Variants in TIMMDC1 observed in about 807,000 individuals in gnomAD.
TIMMDC1 encodes the protein translocase of inner mitochondrial membrane domain containing 1, also known as complex I assembly factor TIMMDC1, mitochondrial.
A neutral mutation model predicts 32.6 loss-of-function variants in TIMMDC1; 25 were observed. The ratio of observed to expected loss-of-function variants is 0.77; its 90% CI spans 0.56 to 1.07. The LOEUF (loss-of-function observed/expected upper bound fraction) is 1.07. TIMMDC1 is among the 50% of genes least tolerant of loss of function. The pLI is 0.00. For synonymous variants in TIMMDC1, 130 were observed against 127.6 expected (o/e 1.02, Z -0.13); for missense variants, 329 against 349.2 (o/e 0.94, Z 0.46).
At chr3:119,519,341 A>G (rs577821496) in intron 6 of TIMMDC1, among the ~76,000 whole-genome samples, 7 of 152,316 alleles carry the variant, frequency 4.6e-5, no homozygotes, top group African/African-American at 1.7e-4. Flanking sequence ...TAAAGACTCA[A>G]CTATATATAC....
At chr3:119,521,872 C>G (rs568945121) in intron 6 of TIMMDC1, among the ~76,000 whole-genome samples, 9 of 152,108 alleles carry the variant, frequency 5.9e-5, no homozygotes, top group African/African-American at 2.2e-4. Context: ...TGATATTTAT[C>G]CCAATTAGAA....
At chr3:119,499,055 C>A in intron 1 of TIMMDC1, 128 bp downstream of exon 1, 1 of 667,646 alleles carries the variant, frequency 1.5e-6, no homozygotes, top group Non-Finnish European at 2.5e-6. Context: ...ATTTGAGGTT[C>A]TGATATTTGT....
In TIMMDC1 at chr3:119,498,983, A is replaced by G. The variant is rs1478249032; in HGVS notation, c.194+56A>G. 3.2e-6 allele frequency: 5 copies of G among 1,543,838 alleles called. No individual in the cohort carries two copies. The Admixed American group carries it at 7.2e-5, about 22-fold the overall frequency. On this transcript the variant is annotated intron_variant, in intron 1 of 6. Coordinates refer to ENST00000494664, the MANE Select transcript of TIMMDC1 (RefSeq NM_016589.4). Reference sequence around the variant, plus strand: ...GGGGGCCGCGAAAGCGGTGTCCTGCAGCGTGGGCAGCCTGGGTCAGCCTTA... The same window carrying G: ...GGGGGCCGCGAAAGCGGTGTCCTGCGGCGTGGGCAGCCTGGGTCAGCCTTA...
At chr3:119,506,643 C>A (rs971287853) in intron 4 of TIMMDC1, among the ~76,000 whole-genome samples, 1 of 152,028 alleles carries the variant, frequency 6.6e-6, no homozygotes, top group Non-Finnish European at 1.5e-5. Flanking sequence ...TTTTTTCCCA[C>A]TGCTACTATC....
intron 4 of TIMMDC1, among the ~76,000 whole-genome samples, chr3:119,512,808 T>A (rs1310844332): frequency 6.6e-6 from 1 of 152,220 alleles, no homozygotes; most frequent in Admixed American, 6.5e-5. Context: ...GAGTGTGATA[T>A]CTGCTCACTG....
intron 4 of TIMMDC1, among the ~76,000 whole-genome samples, chr3:119,506,532 A>C (rs1442625396): frequency 2.0e-5 from 3 of 152,014 alleles, no homozygotes; most frequent in African/African-American, 4.8e-5. Context: ...AAAAAAAAAA[A>C]AACTAGAAAC....
At chr3:119,507,897 C>T (rs1254940853) in intron 4 of TIMMDC1, among the ~76,000 whole-genome samples, 2 of 152,150 alleles carry the variant, frequency 1.3e-5, no homozygotes, top group Non-Finnish European at 2.9e-5. Context: ...AAGTGCTTTT[C>T]AGTTTTTTTC....
At chr3:119,509,066 C>T (rs1577098355) in intron 4 of TIMMDC1, among the ~76,000 whole-genome samples, 1 of 152,108 alleles carries the variant, frequency 6.6e-6, no homozygotes, top group Middle Eastern at 3.4e-3. Context: ...ATTAGCTGGG[C>T]ATGGTGGTGC....
intron 6 of TIMMDC1, among the ~76,000 whole-genome samples, chr3:119,521,619 G>A (rs1016939808): frequency 1.6e-4 from 24 of 151,498 alleles, no homozygotes; most frequent in Non-Finnish European, 3.5e-4. Flanking sequence ...CTTGAGCCCA[G>A]TAATTCAAGG....
intron 1 of TIMMDC1, 165 bp downstream of exon 1, chr3:119,499,092 C>CTTTT: frequency 7.2e-5 from 29 of 402,514 alleles, no homozygotes; most frequent in South Asian, 8.4e-5. Context: ...TTTTTTCTTT[C>CTTTT]TTTTTTTTTT....
chr3:119,510,487 A>G (rs1266297048), intron 4 of TIMMDC1, among the ~76,000 whole-genome samples: 1 of 152,240 alleles, frequency 6.6e-6, no homozygotes, highest in Non-Finnish European at 1.5e-5. Flanking sequence ...AGAGCATAGC[A>G]AAGACATTTC....
chr3:119,513,017 A>G (rs1297703306), intron 4 of TIMMDC1, among the ~76,000 whole-genome samples: 1 of 152,248 alleles, frequency 6.6e-6, no homozygotes, highest in African/African-American at 2.4e-5. Context: ...TTGGGATTAC[A>G]GGTGTGAGCC....
chr3:119,515,014 ATGC>A (rs2081975919), intron 5 of TIMMDC1, among the ~76,000 whole-genome samples: 1 of 152,028 alleles, frequency 6.6e-6, no homozygotes, highest in Admixed American at 6.6e-5. Flanking sequence ...ACATGGTGAA[ATGC>A]TGTCTCTACT....
chr3:119,517,288 C>T lies in TIMMDC1; in HGVS notation c.680C>T (p.Ala227Val), dbSNP rs1343296071. 1 of 1,613,060 alleles carries T rather than the reference C, an allele frequency of 6.2e-7. No individual in the cohort carries two copies. Among genetic ancestry groups the T allele is most frequent in the Non-Finnish European group, 8.5e-7 (1 of 1,179,132 alleles). Residue 227 changes from alanine to valine, a missense_variant, in exon 6 of 7, where the codon GCA becomes GTA. Transcript: ENST00000494664. ...GAAAGAAAACAGAAGGATCGAAAGG[C>T]ACTCCATGAGCTAAAACTGGAAGAG... The part of the protein sequence containing the change: ...VQERKQKDRK[A>V]LHELKLEEWK...
intron 6 of TIMMDC1, among the ~76,000 whole-genome samples, chr3:119,523,054 A>G (rs958386172): frequency 1.3e-5 from 2 of 152,364 alleles, no homozygotes; most frequent in East Asian, 1.9e-4. Context: ...CACTTAAGGA[A>G]GACACTAATA....
At position 119,498,700 on chromosome 3, in the gene TIMMDC1, G is replaced by C; in HGVS notation, c.-34G>C. On this transcript the variant is annotated 5_prime_UTR_variant, in exon 1 of 7. Transcript: ENST00000494664. Reference sequence around the variant, plus strand: ...CGTCCGCGAGGACTTGAAGTCCTGAGCGCTCAAGTTTGTCCGTAGGTCGAG... The same window carrying C: ...CGTCCGCGAGGACTTGAAGTCCTGACCGCTCAAGTTTGTCCGTAGGTCGAG... The C allele has an allele frequency of 6.2e-7, 1 of 1,608,436 alleles. No individual in the cohort carries two copies.
At chr3:119,503,464 A>G in intron 2 of TIMMDC1, 68 bp from the exon 3 acceptor site, 1 of 1,221,330 alleles carries the variant, frequency 8.2e-7, no homozygotes, top group Non-Finnish European at 1.1e-6. Context: ...AAATTCCTCT[A>G]CCGCAGTTCT....
At chr3:119,501,267 A>C (rs2081873188) in intron 2 of TIMMDC1, among the ~76,000 whole-genome samples, 1 of 152,258 alleles carries the variant, frequency 6.6e-6, no homozygotes, top group South Asian at 2.1e-4. Flanking sequence ...AGATCTGTAC[A>C]TCAGTTCTTT....
chr3:119,511,565 A>G (rs901501310), intron 4 of TIMMDC1, among the ~76,000 whole-genome samples: 9 of 152,210 alleles, frequency 5.9e-5, no homozygotes, highest in African/African-American at 2.2e-4. Context: ...TGTATTTTTA[A>G]GCATAAGAAC....
Sources: gnomAD v4.1 joint callset for allele counts (sites outside exome capture counted in the v4.1 genomes callset) on GRCh38, gnomAD v4.1.1 for gene constraint, MANE v1.5 for transcripts, NCBI Gene and HGNC (gene_info 2026-07-23, HGNC 2026-07-21) for gene names.